Variants in RPTN observed in about 807,000 individuals in gnomAD.
The protein encoded by RPTN is intermediate filament-associated protein.
A neutral mutation model predicts 3.6 loss-of-function variants in RPTN; 4 were observed. That is an observed-to-expected ratio of 1.12 (90% CI 0.55 to 2.55). RPTN has a LOEUF of 2.55. RPTN is among the 30% of genes most tolerant of loss of function. RPTN has a pLI of 0.02. For missense variants in RPTN, 860 were observed against 916.7 expected (o/e 0.94, Z 0.80); for synonymous variants, 293 against 319.3 (o/e 0.92, Z 0.88).
chr1:152,156,060 C>T lies in RPTN; in HGVS notation c.1039G>A (p.Asp347Asn), dbSNP rs1659194165. 6.2e-7 allele frequency: 1 copy of T among 1,613,236 alleles called. No individual in the cohort carries two copies. The highest frequency in any genetic ancestry group is 1.3e-5 in the African/African-American group (1 of 74,446). ...QGQSSHYGQM[D>N]RKGQCYHYDQ... Reference sequence around the variant, plus strand: ...TAATGATAACACTGGCCTTTTCTGTCCATTTGACCATAGTGGGAACTCTGA... The same window carrying T: ...TAATGATAACACTGGCCTTTTCTGTTCATTTGACCATAGTGGGAACTCTGA... The change falls in exon 3 of 3, where the codon GAC becomes AAC. Residue 347 changes from aspartate (D) to asparagine (N), a missense_variant. Coordinates refer to ENST00000316073, the MANE Select transcript of RPTN (RefSeq NM_001122965.1).
In RPTN at chr1:152,155,536, G is replaced by T. The variant is rs925897844; in HGVS notation, c.1563C>A (p.Phe521Leu). The T allele has an allele frequency of 2.5e-6, 4 of 1,609,260 alleles. No homozygotes were observed. The highest frequency in any genetic ancestry group is 3.4e-6 in the Non-Finnish European group (4 of 1,178,390). Residue 521 changes from phenylalanine (F) to leucine (L), a missense_variant, in exon 3 of 3, where the codon TTC becomes TTA. Coordinates refer to ENST00000316073, the MANE Select transcript of RPTN (RefSeq NM_001122965.1). ...YGQTDRQGQSFHYGQPDRQGQ... is the reference protein window; with the variant it reads ...YGQTDRQGQSLHYGQPDRQGQ... ...CTTGTCTGTCTGGCTGACCATAGTG[G>T]AAACTCTGGCCTTGTCTGTCTGTCT...
chr1:152,155,682 A>G lies in RPTN; in HGVS notation c.1417T>C (p.Ser473Pro). The change falls in exon 3 of 3, where the codon TCC (serine) becomes CCC (proline). Residue 473 changes from serine (S) to proline (P), a missense_variant. Ser to Pro is a moderately conservative substitution (Grantham distance 74). Coordinates refer to ENST00000316073, the MANE Select transcript of RPTN (RefSeq NM_001122965.1). Reference sequence around the variant, plus strand: ...TGTTTGTCTGGCTGACTGTAGTGGGAACTCTGGCCTTGTCTGTCTGTCTGA... The same window carrying G: ...TGTTTGTCTGGCTGACTGTAGTGGGGACTCTGGCCTTGTCTGTCTGTCTGA... Reference protein sequence around the residue: ...YGQTDRQGQSSHYSQPDKQGQ... With the variant: ...YGQTDRQGQSPHYSQPDKQGQ... 1.2e-6 allele frequency: 2 copies of G among 1,609,296 alleles called. No homozygotes were observed. The highest frequency in any genetic ancestry group is 1.7e-6 in the Non-Finnish European group (2 of 1,176,670).
chr1:152,157,127 T>C (rs572797236), intron 2 of RPTN, among the ~76,000 whole-genome samples, 167 bp from the exon 3 acceptor site: 1 of 152,176 alleles, frequency 6.6e-6, no homozygotes, highest in Non-Finnish European at 1.5e-5. Context: ...GATCAGCTGG[T>C]TCTCAGAACC....
intron 1 of RPTN, 150 bp from the exon 2 acceptor site, chr1:152,158,059 C>T (rs1040967335): frequency 6.5e-6 from 4 of 617,184 alleles, no homozygotes; most frequent in Non-Finnish European, 1.1e-5. Context: ...CCCTGACTCA[C>T]AGTCGGGGAC....
Position 152,155,846 on chromosome 1 carries a change from A to C in RPTN, c.1253T>G (p.Met418Arg), listed in dbSNP as rs761035842. Residue 418 changes from methionine to arginine, a missense_variant, in exon 3 of 3, where the codon ATG becomes AGG. Met to Arg is a moderately conservative substitution (Grantham distance 91, BLOSUM62 -1). Coordinates refer to ENST00000316073, the MANE Select transcript of RPTN (RefSeq NM_001122965.1). Reference sequence around the variant, plus strand: ...GTGAGAACCCTGGCCTTGTCGGTCCATCTGACTGTAGTGGGAACTCTGGCC... The same window carrying C: ...GTGAGAACCCTGGCCTTGTCGGTCCCTCTGACTGTAGTGGGAACTCTGGCC... ...RQGQSSHYSQ[M>R]DRQGQGSHYG... 4 of 1,566,396 alleles carry C rather than the reference A, an allele frequency of 2.6e-6. No homozygotes were observed. Among genetic ancestry groups the C allele is most frequent in the South Asian group, 1.1e-5 (1 of 89,180 alleles).
In RPTN at chr1:152,154,457, T is replaced by C. The variant is rs948796733; in HGVS notation, c.*287A>G. On this transcript the variant is annotated 3_prime_UTR_variant, in exon 3 of 3. Transcript: ENST00000316073. ...GGATTTCTGCTCTTGCACATAGTCA[T>C]AGGGGGGGTTGGGAACAGTAGCTCC... 2.7e-5 allele frequency: 14 copies of C among 518,568 alleles called. No individual in the cohort carries two copies. The highest frequency in any genetic ancestry group is 7.8e-5 in the South Asian group (3 of 38,506). The allele number at this position is 518,568 out of a possible 1,614,324, so 32.1% of individuals were successfully genotyped here. A position where few individuals can be genotyped will look rare whatever the true frequency, so the allele number is the denominator to read the frequency against.
chr1:152,156,448 G>A lies in RPTN; in HGVS notation c.651C>T (p.Gly217=), dbSNP rs376191101. The A allele has an allele frequency of 2.5e-6, 4 of 1,614,114 alleles. No individual in the cohort carries two copies. Among genetic ancestry groups the A allele is most frequent in the African/African-American group, 2.7e-5 (2 of 74,944 alleles). Reference sequence around the variant, plus strand: ...AGATATGTCCCTGCCATTTAGCCTGGCCACTGGTAGATTTGTGACTCACTT... The same window carrying A: ...AGATATGTCCCTGCCATTTAGCCTGACCACTGGTAGATTTGTGACTCACTT... The part of the protein sequence containing the change: ...GKKVSHKSTS[G]QAKWQGHIFA... Residue 217 remains glycine (G), a synonymous_variant, in exon 3 of 3, where the codon GGC becomes GGT. Transcript: ENST00000316073.
chr1:152,159,089 A>G (rs190205986), intron 1 of RPTN, 95 bp downstream of exon 1: 21 of 152,826 alleles, frequency 1.4e-4, no homozygotes, highest in African/African-American at 5.1e-4. Context: ...GCTGTTACCC[A>G]CAGGAATTAA....
chr1:152,155,378 G>C lies in RPTN; in HGVS notation c.1721C>G (p.Thr574Arg), dbSNP rs368531399. 64 of 1,613,936 alleles carry C rather than the reference G, an allele frequency of 4.0e-5. No homozygotes were observed. The African/African-American group carries it at 7.3e-4, about 19-fold the overall frequency. ...GTGGGAACTCTGGCCTTGTCTGTCT[G>C]TCTGACCATAATGATAGCTCTGGCC... ...RQGQSYHYGQ[T>R]DRQGQSSHYI... The change falls in exon 3 of 3, where the codon ACA (threonine) becomes AGA (arginine). Residue 574 changes from threonine (T) to arginine (R), a missense_variant. Thr to Arg is a moderately conservative substitution (Grantham distance 71, BLOSUM62 -1). Coordinates refer to ENST00000316073, the MANE Select transcript of RPTN (RefSeq NM_001122965.1).
In RPTN at chr1:152,156,318, G is replaced by C; in HGVS notation, c.781C>G (p.Gln261Glu). Reference protein sequence around the residue: ...ETLGQASHFNQTNQQKSGSYC... With the variant: ...ETLGQASHFNETNQQKSGSYC... ...GAGCCTGATTTCTGTTGATTTGTCT[G>C]GTTAAAGTGAGAGGCTTGTCCAAGT... The change falls in exon 3 of 3, where the codon CAG becomes GAG. Residue 261 changes from glutamine to glutamate, a missense_variant. Physicochemically the swap from Gln to Glu is conservative, Grantham distance 29. Coordinates refer to ENST00000316073, the MANE Select transcript of RPTN (RefSeq NM_001122965.1). The C allele has an allele frequency of 6.2e-7, 1 of 1,614,256 alleles. No individual in the cohort carries two copies. Among genetic ancestry groups the C allele is most frequent in the Non-Finnish European group, 8.5e-7 (1 of 1,180,042 alleles).
At position 152,154,905 on chromosome 1, in the gene RPTN, G is replaced by C. The variant is rs377696297; in HGVS notation, c.2194C>G (p.Arg732Gly). 1.2e-6 allele frequency: 2 copies of C among 1,613,832 alleles called. No homozygotes were observed. The highest frequency in any genetic ancestry group is 1.3e-5 in the African/African-American group (1 of 74,816). Residue 732 changes from arginine to glycine, a missense_variant, in exon 3 of 3, where the codon CGA becomes GGA. Physicochemically the swap from Arg to Gly is moderately radical, Grantham distance 125. Coordinates refer to ENST00000316073, the MANE Select transcript of RPTN (RefSeq NM_001122965.1). Reference sequence around the variant, plus strand: ...TGGTTCTGCTCATCTTTATGGGTTCGCCTGTCCTGTGTCCCACATGGACCT... The same window carrying C: ...TGGTTCTGCTCATCTTTATGGGTTCCCCTGTCCTGTGTCCCACATGGACCT... ...QEGPCGTQDR[R>G]THKDEQNHQR...
At position 152,156,062 on chromosome 1, in the gene RPTN, A is replaced by T. The variant is rs780645575; in HGVS notation, c.1037T>A (p.Met346Lys). 5 of 1,592,516 alleles carry T rather than the reference A, an allele frequency of 3.1e-6. No individual in the cohort carries two copies. In the South Asian group the frequency reaches 3.3e-5, roughly 11 times the overall value. Residue 346 changes from methionine to lysine, a missense_variant, in exon 3 of 3, where the codon ATG becomes AAG. Met to Lys is a moderately conservative substitution (Grantham distance 95). Coordinates refer to ENST00000316073, the MANE Select transcript of RPTN (RefSeq NM_001122965.1). Reference sequence around the variant, plus strand: ...ATGATAACACTGGCCTTTTCTGTCCATTTGACCATAGTGGGAACTCTGACC... The same window carrying T: ...ATGATAACACTGGCCTTTTCTGTCCTTTTGACCATAGTGGGAACTCTGACC... ...RQGQSSHYGQMDRKGQCYHYD... is the reference protein window; with the variant it reads ...RQGQSSHYGQKDRKGQCYHYD...
Position 152,154,603 on chromosome 1 carries a change from G to T in RPTN, c.*141C>A. 1 of 1,182,136 alleles carries T rather than the reference G, an allele frequency of 8.5e-7. No homozygotes were observed. The highest frequency in any genetic ancestry group is 1.2e-6 in the Non-Finnish European group (1 of 830,900). 73.2% of individuals were successfully genotyped at this position (1,182,136 alleles called of 1,614,324 possible). ...GGCTCTGGTCATCCTCTTTCATGTG[G>T]AATTTTTCTCTGTTAGGACAGCTTC... On this transcript the variant is annotated 3_prime_UTR_variant, in exon 3 of 3. Transcript: ENST00000316073.
chr1:152,157,558 GGTGT>G (rs58634415), intron 2 of RPTN, among the ~76,000 whole-genome samples, 190 bp downstream of exon 2: 3,132 of 139,570 alleles, frequency 0.022, 48 homozygotes, highest in African/African-American at 0.028. Flanking sequence ...GATACAAGGA[GGTGT>G]GTGTGTGTGT....
At position 152,156,470 on chromosome 1, in the gene RPTN, AC is replaced by A; in HGVS notation, c.628del (p.Val210Ter). The A allele has an allele frequency of 1.9e-6, 3 of 1,614,196 alleles. No homozygotes were observed. Among genetic ancestry groups the A allele is most frequent in the Non-Finnish European group, 2.5e-6 (3 of 1,180,034 alleles). ...CTGGCCACTGGTAGATTTGTGACTC[AC>A]TTTTTTACCAGAGCTGGAGTCTTGA... ...QSQDSSSGKKVSHKSTSGQAK... is the reference protein window; with the variant it reads ...QSQDSSSGKKXSHKSTSGQAK... On this transcript the variant is annotated frameshift_variant, in exon 3 of 3. Coordinates refer to ENST00000316073, the MANE Select transcript of RPTN (RefSeq NM_001122965.1). LOFTEE classifies it low-confidence loss of function (END_TRUNC).
In RPTN at chr1:152,154,458, AG is replaced by A. The variant is rs974044095; in HGVS notation, c.*285del. ...GATTTCTGCTCTTGCACATAGTCAT[AG>A]GGGGGGTTGGGAACAGTAGCTCCCT... On this transcript the variant is annotated 3_prime_UTR_variant, in exon 3 of 3. Coordinates refer to ENST00000316073, the MANE Select transcript of RPTN (RefSeq NM_001122965.1). The A allele has an allele frequency of 1.9e-5, 9 of 474,180 alleles. No homozygotes were observed. The highest frequency in any genetic ancestry group is 5.8e-4 in the Middle Eastern group (1 of 1,738). The allele number at this position is 474,180 out of a possible 1,614,324, so 29.4% of individuals were successfully genotyped here.
At chr1:152,157,603 A>T in intron 2 of RPTN, 149 bp downstream of exon 2, 7 of 321,006 alleles carry the variant, frequency 2.2e-5, no homozygotes, top group South Asian at 2.8e-5. Flanking sequence ...GTGTGTGTGT[A>T]TGCTGGGAGA....
At chr1:152,157,401 G>T (rs183999164) in intron 2 of RPTN, among the ~76,000 whole-genome samples, 64 of 152,268 alleles carry the variant, frequency 4.2e-4, no homozygotes, top group East Asian at 3.5e-3. Context: ...ATGAATACAT[G>T]AAAAGATGTG....
Position 152,155,494 on chromosome 1 carries a change from G to A in RPTN, c.1605C>T (p.Tyr535=), listed in dbSNP as rs773276335. ...TCTGGCCTTGTCTGTCCATCTGACT[G>A]TAGTGGGAACTCTGGCCTTGTCTGT... ...QPDRQGQSSH[Y]SQMDRQGQSS... Residue 535 remains tyrosine, a synonymous_variant, in exon 3 of 3, where the codon TAC becomes TAT. Coordinates refer to ENST00000316073, the MANE Select transcript of RPTN (RefSeq NM_001122965.1). The A allele has an allele frequency of 1.1e-5, 17 of 1,595,608 alleles. No homozygotes were observed. The highest frequency in any genetic ancestry group is 4.5e-5 in the East Asian group (2 of 43,958).
Sources: allele counts gnomAD v4.1 joint callset (sites outside exome capture counted in the v4.1 genomes callset), GRCh38; gene constraint gnomAD v4.1.1; transcripts MANE v1.5; gene names NCBI Gene and HGNC (gene_info 2026-07-23, HGNC 2026-07-21).